TNR: variants seen among roughly 807,000 people sequenced by gnomAD.
The protein encoded by TNR is tenascin-R.
A neutral mutation model predicts 150.4 loss-of-function variants in TNR; 45 were observed. The ratio of observed to expected loss-of-function variants is 0.30; its 90% CI spans 0.24 to 0.38. The LOEUF is 0.38. Among genes scored for constraint, TNR ranks in the 10% least tolerant of loss-of-function variants. TNR has a pLI of 1.00. For synonymous variants in TNR, 687 were observed against 678.4 expected (o/e 1.01, Z -0.20); for missense variants, 1,544 against 1,759.1 (o/e 0.88, Z 2.19).
At chr1:175,661,468 A>G (rs1442053245) in intron 1 of TNR, among the ~76,000 whole-genome samples, 1 of 152,118 alleles carries the variant, frequency 6.6e-6, no homozygotes, top group East Asian at 1.9e-4. Flanking sequence ...ATCAAGGAAG[A>G]CTTGGCCGGG....
At chr1:175,671,103 T>C (rs1665683895) in intron 1 of TNR, among the ~76,000 whole-genome samples, 1 of 152,156 alleles carries the variant, frequency 6.6e-6, no homozygotes. Context: ...GAGTGGGTAC[T>C]GAACACCCGT....
chr1:175,492,187 C>A (rs1184364923), intron 2 of TNR, among the ~76,000 whole-genome samples: 1 of 152,140 alleles, frequency 6.6e-6, no homozygotes, highest in African/African-American at 2.4e-5. Context: ...TTCAGTCTTT[C>A]CCCCCTCTGG....
intron 1 of TNR, among the ~76,000 whole-genome samples, chr1:175,700,989 C>T (rs1666677680): frequency 6.6e-6 from 1 of 152,242 alleles, no homozygotes; most frequent in Non-Finnish European, 1.5e-5. Flanking sequence ...TTTGTACTTT[C>T]ACCACAAACT....
chr1:175,345,873 A>G (rs961212512), intron 18 of TNR, among the ~76,000 whole-genome samples: 3 of 152,212 alleles, frequency 2.0e-5, no homozygotes, highest in Non-Finnish European at 4.4e-5. Flanking sequence ...ACTTCAAGAC[A>G]TATAATGAAG....
At chr1:175,675,036 A>G (rs1377260505) in intron 1 of TNR, among the ~76,000 whole-genome samples, 1 of 152,174 alleles carries the variant, frequency 6.6e-6, no homozygotes, top group African/African-American at 2.4e-5. Context: ...CAAAATGACT[A>G]TTGAGCTTAT....
chr1:175,497,699 C>T (rs772718548), intron 2 of TNR, among the ~76,000 whole-genome samples: 12 of 152,136 alleles, frequency 7.9e-5, no homozygotes, highest in Non-Finnish European at 1.8e-4. Context: ...GCCCTAGGCC[C>T]TCATCGGTAC....
chr1:175,725,721 G>A (rs1359598630), intron 1 of TNR, among the ~76,000 whole-genome samples: 1 of 152,192 alleles, frequency 6.6e-6, no homozygotes, highest in Non-Finnish European at 1.5e-5. Context: ...GGTTAGAAAT[G>A]GAGAGGAATG....
chr1:175,415,203 A>T (rs1654385141), intron 2 of TNR, among the ~76,000 whole-genome samples: 1 of 144,990 alleles, frequency 6.9e-6, no homozygotes, highest in African/African-American at 2.6e-5. Flanking sequence ...TGCCGTTGGG[A>T]TGCTCTGTCA....
chr1:175,366,512 G>T (rs1435341542), intron 10 of TNR, among the ~76,000 whole-genome samples: 1 of 152,360 alleles, frequency 6.6e-6, no homozygotes, highest in Admixed American at 6.5e-5. Context: ...CCTGGCAACA[G>T]AAGCGCACCA....
At chr1:175,693,219 G>A (rs1666421913) in intron 1 of TNR, among the ~76,000 whole-genome samples, 1 of 152,168 alleles carries the variant, frequency 6.6e-6, no homozygotes, top group East Asian at 1.9e-4. Flanking sequence ...ACCTCTCCAG[G>A]AGTCTCTGAG....
chr1:175,636,064 C>T (rs1005431257), intron 1 of TNR, among the ~76,000 whole-genome samples: 1 of 152,112 alleles, frequency 6.6e-6, no homozygotes, highest in Non-Finnish European at 1.5e-5. Flanking sequence ...CAAACTGGAC[C>T]TACTATTCCC....
At chr1:175,399,790 C>A (rs1653611844) in intron 4 of TNR, among the ~76,000 whole-genome samples, 1 of 152,174 alleles carries the variant, frequency 6.6e-6, no homozygotes, top group African/African-American at 2.4e-5. Flanking sequence ...CTTGAGGAAT[C>A]AGGGTTGCTT....
intron 1 of TNR, among the ~76,000 whole-genome samples, chr1:175,554,949 G>A (rs980334715): frequency 6.6e-6 from 1 of 152,152 alleles, no homozygotes; most frequent in Non-Finnish European, 1.5e-5. Flanking sequence ...TCCAGCAGTC[G>A]GGAAGGGCTA....
chr1:175,364,271 A>T (rs1036220985), intron 12 of TNR, among the ~76,000 whole-genome samples: 2 of 151,670 alleles, frequency 1.3e-5, no homozygotes, highest in African/African-American at 4.8e-5. Context: ...GGGATTTCAG[A>T]GCACAAGTCC....
At chr1:175,602,790 A>G (rs531905793) in intron 1 of TNR, among the ~76,000 whole-genome samples, 100 of 152,302 alleles carry the variant, frequency 6.6e-4, no homozygotes, top group Middle Eastern at 6.8e-3. Context: ...TTCTTCTTTC[A>G]GGTTACATGA....
chr1:175,627,927 C>T (rs1201390963), intron 1 of TNR, among the ~76,000 whole-genome samples: 1 of 152,152 alleles, frequency 6.6e-6, no homozygotes, highest in African/African-American at 2.4e-5. Flanking sequence ...CCGAAGAAGC[C>T]AGCAGTCTCA....
intron 2 of TNR, among the ~76,000 whole-genome samples, chr1:175,440,545 A>T (rs1655735321): frequency 6.6e-6 from 1 of 151,884 alleles, no homozygotes; most frequent in African/African-American, 2.4e-5. Context: ...AAATAAAATA[A>T]AATAAAGGAA....
intron 2 of TNR, among the ~76,000 whole-genome samples, chr1:175,430,823 G>GT (rs1655230082): frequency 6.6e-6 from 1 of 152,136 alleles, no homozygotes; most frequent in Non-Finnish European, 1.5e-5. Context: ...AGACAAGAGG[G>GT]CTCAGGGAAA....
At chr1:175,348,512 T>C (rs150030733) in intron 18 of TNR, among the ~76,000 whole-genome samples, 9 of 152,324 alleles carry the variant, frequency 5.9e-5, no homozygotes, top group African/African-American at 2.2e-4. Context: ...TTTTACCATA[T>C]ATTAATGTAT....
Sources: allele counts gnomAD v4.1 joint callset (sites outside exome capture counted in the v4.1 genomes callset), GRCh38; gene constraint gnomAD v4.1.1; transcripts MANE v1.5; gene names NCBI Gene and HGNC (gene_info 2026-07-23, HGNC 2026-07-21).